DNAH3: variants seen among roughly 807,000 people sequenced by gnomAD.
DNAH3 encodes dynein axonemal heavy chain 3.
DNAH3 carries 332 observed loss-of-function variants against 432.5 expected under a neutral mutation model. The ratio of observed to expected loss-of-function variants is 0.77; its 90% CI spans 0.70 to 0.84. The LOEUF (loss-of-function observed/expected upper bound fraction) is 0.84, where lower values mean the gene tolerates loss of function less well. DNAH3 is among the 40% of genes least tolerant of loss of function. The pLI, the probability that DNAH3 is intolerant of heterozygous loss-of-function variation, is 0.00. For missense variants in DNAH3, 4,861 were observed against 5,114.0 expected (o/e 0.95, Z 1.51); for synonymous variants, 1,956 against 1,900.2 (o/e 1.03, Z -0.76).
In DNAH3 at chr16:21,142,534, C is replaced by T. The variant is rs548315865; in HGVS notation, c.449-1162G>A. ...ATTTGCAATAAATAGAAGGTAGCTA[C>T]AATTAATTCAATAAGTGATATAAAA... On this transcript the variant is annotated intron_variant, in intron 3 of 61. Transcript: ENST00000261383. 3.3e-5 allele frequency among the ~76,000 whole-genome samples: 5 copies of T among 151,944 alleles called. No individual in the cohort carries two copies. The South Asian group carries it at 6.2e-4, about 19-fold the overall frequency.
intron 25 of DNAH3, among the ~76,000 whole-genome samples, chr16:21,061,457 T>G (rs1429927642): frequency 2.7e-5 from 4 of 147,954 alleles, no homozygotes; most frequent in Non-Finnish European, 4.5e-5. Flanking sequence ...CTCCTGACCT[T>G]AGGTGATCCA....
At chr16:20,965,157 C>G in exon 53 of DNAH3, 2 of 1,614,136 alleles carry the variant, frequency 1.2e-6, no homozygotes, top group East Asian at 4.5e-5. Flanking sequence ...CCTCTGCCTC[C>G]CTCAGTCGCT....
Position 21,019,855 on chromosome 16 carries a change from C to T in DNAH3, c.5791G>A (p.Val1931Ile). 1.2e-6 allele frequency: 2 copies of T among 1,614,128 alleles called. No homozygotes were observed. Among genetic ancestry groups the T allele is most frequent in the Non-Finnish European group, 1.7e-6 (2 of 1,180,016 alleles). The change falls in exon 41 of 62, where the codon GTA becomes ATA. Residue 1931 changes from valine (V) to isoleucine (I), a missense_variant. Transcript: ENST00000261383. ...CCTAATTCCATTTCCTCCTCTTCTACTGCCCTGATTTCATCTAAAAGTGAG... is the reference window on the plus strand; with the variant it reads ...CCTAATTCCATTTCCTCCTCTTCTATTGCCCTGATTTCATCTAAAAGTGAG...
chr16:20,991,231 T>C (rs1391244967), intron 44 of DNAH3, among the ~76,000 whole-genome samples: 1 of 152,166 alleles, frequency 6.6e-6, no homozygotes, highest in Non-Finnish European at 1.5e-5. Context: ...AGGGTTTAAT[T>C]GTTTAATTCT....
At chr16:20,950,566 G>A (rs2084267044) in intron 56 of DNAH3, among the ~76,000 whole-genome samples, 1 of 152,154 alleles carries the variant, frequency 6.6e-6, no homozygotes, top group Non-Finnish European at 1.5e-5. Context: ...CATAAAATTA[G>A]CATGAAGACT....
At chr16:21,114,217 C>T (rs1691103628) in intron 12 of DNAH3, among the ~76,000 whole-genome samples, 1 of 152,130 alleles carries the variant, frequency 6.6e-6, no homozygotes, top group Non-Finnish European at 1.5e-5. Context: ...AAGGGGACGC[C>T]TGTGATTCCT....
At chr16:21,024,858 TG>T (rs1017971283) in intron 38 of DNAH3, among the ~76,000 whole-genome samples, 157 bp from the exon 39 acceptor site, 1 of 152,204 alleles carries the variant, frequency 6.6e-6, no homozygotes, top group African/African-American at 2.4e-5. Context: ...TTGAATCTTG[TG>T]TTCATCTGCC....
At chr16:21,122,006 C>A in exon 10 of DNAH3, 7 of 1,613,852 alleles carry the variant, frequency 4.3e-6, no homozygotes, top group South Asian at 1.1e-5. Context: ...TAATTCCCAG[C>A]AGCCATCAAA....
chr16:21,029,372 A>C (rs1049445543), intron 37 of DNAH3, among the ~76,000 whole-genome samples: 5 of 152,240 alleles, frequency 3.3e-5, no homozygotes, highest in African/African-American at 1.2e-4. Flanking sequence ...TATCCAGTGA[A>C]GGAATTCTTC....
chr16:21,136,529 C>T lies in DNAH3; in HGVS notation c.697-16G>A, dbSNP rs760314973. 1.7e-5 allele frequency: 28 copies of T among 1,612,740 alleles called. No homozygotes were observed. The highest frequency in any genetic ancestry group is 2.4e-5 in the Non-Finnish European group (28 of 1,178,920). On this transcript the variant is annotated splice_polypyrimidine_tract_variant and intron_variant, in intron 5 of 61. Coordinates refer to ENST00000261383, the Ensembl canonical transcript of DNAH3. ...AATAGTATCTCTTCCATAAACAAAC[C>T]ACCAGCGAGAAAATGGTCATGATTG...
chr16:20,969,928 C>A (rs1376820385), exon 52 of DNAH3: 17 of 1,614,048 alleles, frequency 1.1e-5, no homozygotes, highest in Non-Finnish European at 1.1e-5. Context: ...TCAGGGTGTC[C>A]AGAGCAGCTA....
chr16:21,127,607 C>T, intron 8 of DNAH3, 80 bp downstream of exon 9: 1 of 1,533,374 alleles, frequency 6.5e-7, no homozygotes, highest in Non-Finnish European at 8.8e-7. Context: ...AAACCCCAGG[C>T]TGGGTACCAG....
intron 43 of DNAH3, among the ~76,000 whole-genome samples, chr16:20,998,068 C>G (rs1249379015): frequency 6.6e-6 from 1 of 151,842 alleles, no homozygotes; most frequent in Non-Finnish European, 1.5e-5. Flanking sequence ...TAATTTTTTC[C>G]CATTTCTGTC....
intron 16 of DNAH3, among the ~76,000 whole-genome samples, chr16:21,099,704 A>G (rs2883965): frequency 0.28 from 42,884 of 152,062 alleles, 6,186 homozygotes; most frequent in African/African-American, 0.34. Context: ...TAAAGTCAAT[A>G]AGAACAACAA....
At chr16:20,939,619 A>G (rs867387938) in intron 59 of DNAH3, among the ~76,000 whole-genome samples, 5 of 152,104 alleles carry the variant, frequency 3.3e-5, no homozygotes, top group South Asian at 4.2e-4. Context: ...TCTCAAAAAA[A>G]AAAAAAAAAA....
intron 55 of DNAH3, 51 bp from the exon 56 acceptor site, chr16:20,952,600 C>T (rs1300574148): frequency 8.4e-7 from 1 of 1,193,856 alleles, no homozygotes; most frequent in Non-Finnish European, 1.2e-6. Context: ...CTCTTAATTT[C>T]CACTCAAAGA....
At chr16:20,985,177 TCGTCAGCAGGGAAGATGTTAGGCA>T in exon 48 of DNAH3, 1 of 1,614,230 alleles carries the variant, frequency 6.2e-7, no homozygotes, top group Admixed American at 1.7e-5. Context: ...GTCAGCCTTC[TCGTCAGCAGGGAAGATGTTAGGCA>T]CGTCACCTGT....
intron 53 of DNAH3, among the ~76,000 whole-genome samples, chr16:20,959,696 C>T (rs2084735476): frequency 6.6e-6 from 1 of 151,808 alleles, no homozygotes; most frequent in South Asian, 2.1e-4. Flanking sequence ...ATTTTGGACT[C>T]AGAAAAAAAC....
At position 20,940,048 on chromosome 16, in the gene DNAH3, G is replaced by C. The variant is rs375601562; in HGVS notation, c.11654+1353C>G. 9.6e-4 allele frequency among the ~76,000 whole-genome samples: 146 copies of C among 152,320 alleles called. 4 individuals carry two copies. The South Asian group carries it at 0.03, about 31-fold the overall frequency. On this transcript the variant is annotated intron_variant, in intron 59 of 61. Coordinates refer to ENST00000261383, the Ensembl canonical transcript of DNAH3. ...AGCCTATAATACCCCTAACTGTGTGGTAGAGGCACTAGGATGAACGTCTCC... is the reference window on the plus strand; with the variant it reads ...AGCCTATAATACCCCTAACTGTGTGCTAGAGGCACTAGGATGAACGTCTCC...
Sources: gnomAD v4.1 joint callset for allele counts (sites outside exome capture counted in the v4.1 genomes callset) on GRCh38, gnomAD v4.1.1 for gene constraint, MANE v1.5 for transcripts, NCBI Gene and HGNC (gene_info 2026-07-23, HGNC 2026-07-21) for gene names.